Variants in AHCYL1 observed in about 807,000 individuals in gnomAD.
The protein encoded by AHCYL1 is adenosylhomocysteinase like 1, also known as S-adenosylhomocysteine hydrolase-like protein 1.
A neutral mutation model predicts 79.3 loss-of-function variants in AHCYL1; 20 were observed. The observed-to-expected ratio is 0.25, with a 90% CI of 0.18 to 0.37. The LOEUF is 0.37. Ranked by LOEUF, AHCYL1 falls within the 10% of genes least tolerant of loss-of-function variation. AHCYL1 has a pLI of 1.00. For synonymous variants in AHCYL1, 223 were observed against 242.2 expected (o/e 0.92, Z 0.74); for missense variants, 330 against 673.6 (o/e 0.49, Z 5.65).
chr1:110,013,086 TC>T, intron 5 of AHCYL1, 87 bp downstream of exon 5: 1 of 976,562 alleles, frequency 1.0e-6, no homozygotes, highest in Non-Finnish European at 1.5e-6. Context: ...CATTACAATA[TC>T]ATATATGTCT....
chr1:110,003,621 A>G (rs1557765763), intron 1 of AHCYL1, among the ~76,000 whole-genome samples: 1 of 152,030 alleles, frequency 6.6e-6, no homozygotes, highest in African/African-American at 2.4e-5. Flanking sequence ...TAAACCTAGA[A>G]TTGATGATAA....
intron 2 of AHCYL1, among the ~76,000 whole-genome samples, chr1:110,010,931 A>T (rs1650983838): frequency 6.6e-6 from 1 of 152,144 alleles, no homozygotes; most frequent in Non-Finnish European, 1.5e-5. Flanking sequence ...ATTATCTGGG[A>T]TTACTATAGC....
chr1:110,014,971 T>C, intron 6 of AHCYL1, 114 bp downstream of exon 6: 8 of 976,198 alleles, frequency 8.2e-6, no homozygotes, highest in Non-Finnish European at 1.3e-5. Context: ...CTGACTTTGT[T>C]GCTAAAGTGT....
At chr1:109,994,887 T>A (rs1434932504) in intron 1 of AHCYL1, among the ~76,000 whole-genome samples, 2 of 152,218 alleles carry the variant, frequency 1.3e-5, no homozygotes, top group Non-Finnish European at 2.9e-5. Flanking sequence ...TTGTAGCTGC[T>A]GTAGAATCTG....
chr1:110,018,730 T>G, intron 13 of AHCYL1, 80 bp downstream of exon 13: 2 of 1,251,648 alleles, frequency 1.6e-6, no homozygotes, highest in Non-Finnish European at 2.3e-6. Flanking sequence ...GGGAAACAAA[T>G]ATTAGGCCTA....
intron 1 of AHCYL1, among the ~76,000 whole-genome samples, chr1:110,007,739 C>T (rs1184158751): frequency 6.6e-6 from 1 of 152,176 alleles, no homozygotes; most frequent in Non-Finnish European, 1.5e-5. Context: ...CCAAGGGAAC[C>T]TTTTCAGATT....
chr1:109,985,125 G>A lies in AHCYL1; in HGVS notation c.73G>A (p.Ala25Thr). The change falls in exon 1 of 17, where the codon GCC becomes ACC. Residue 25 changes from alanine (A) to threonine (T), a missense_variant. By Grantham distance (58) the Ala-to-Thr change is moderately conservative. Coordinates refer to ENST00000369799, the MANE Select transcript of AHCYL1 (RefSeq NM_006621.7). ...GAAGCAGGCCAAGGAGATCGAGGACGCCGAGAAGTACTCCTTCATGGCCAC... is the reference window on the plus strand; with the variant it reads ...GAAGCAGGCCAAGGAGATCGAGGACACCGAGAAGTACTCCTTCATGGCCAC... ...ELKQAKEIED[A>T]EKYSFMATVT... is the part of the protein sequence containing the mutation. The A allele has an allele frequency of 1.9e-6, 3 of 1,611,624 alleles. No individual in the cohort carries two copies. Among genetic ancestry groups the A allele is most frequent in the South Asian group, 1.1e-5 (1 of 90,804 alleles).
chr1:110,003,780 C>T (rs1460664064), intron 1 of AHCYL1, among the ~76,000 whole-genome samples: 1 of 152,140 alleles, frequency 6.6e-6, no homozygotes, highest in East Asian at 1.9e-4. Flanking sequence ...GTGTTACATT[C>T]TGTTGCAAAT....
At chr1:110,006,001 C>T (rs1002225946) in intron 1 of AHCYL1, among the ~76,000 whole-genome samples, 1 of 151,992 alleles carries the variant, frequency 6.6e-6, no homozygotes, top group Non-Finnish European at 1.5e-5. Context: ...AACCATTGTA[C>T]CTGCTAAGCT....
intron 7 of AHCYL1, 94 bp downstream of exon 7, chr1:110,015,625 A>C: frequency 1.0e-6 from 1 of 963,378 alleles, no homozygotes. Context: ...CAGACTTATA[A>C]CTAAATGGGA....
At chr1:110,018,166 G>C in intron 11 of AHCYL1, 150 bp downstream of exon 11, 3 of 1,058,456 alleles carry the variant, frequency 2.8e-6, no homozygotes, top group Non-Finnish European at 4.1e-6. Context: ...GTTTTCCAGA[G>C]TAAAAAACTT....
At chr1:110,000,023 T>C (rs1157489723) in intron 1 of AHCYL1, among the ~76,000 whole-genome samples, 3 of 152,222 alleles carry the variant, frequency 2.0e-5, no homozygotes, top group Non-Finnish European at 4.4e-5. Context: ...AAAGAAATTA[T>C]CTGATTGTGC....
intron 1 of AHCYL1, among the ~76,000 whole-genome samples, chr1:109,992,424 A>T (rs1649815070): frequency 1.3e-5 from 2 of 151,756 alleles, no homozygotes; most frequent in Admixed American, 1.3e-4. Context: ...AAAAAAAAAA[A>T]AAAAAAGTTA....
At chr1:110,008,658 A>G (rs1456419802) in intron 1 of AHCYL1, among the ~76,000 whole-genome samples, 2 of 152,218 alleles carry the variant, frequency 1.3e-5, no homozygotes, top group African/African-American at 2.4e-5. Flanking sequence ...CAGTAGCACT[A>G]TGAGATTCTG....
At position 110,012,890 on chromosome 1, in the gene AHCYL1, T is replaced by G; in HGVS notation, c.478-7T>G. 6.2e-7 allele frequency: 1 copy of G among 1,607,820 alleles called. No individual in the cohort carries two copies. The stretch of plus-strand genomic sequence containing the variant: ...TCCTCACCCTGTCTTCCTACACTTC[T>G]ACACAGGTGTTGATTGAGACACTCT... On this transcript the variant is annotated splice_polypyrimidine_tract_variant and splice_region_variant and intron_variant, in intron 4 of 16. Coordinates refer to ENST00000369799, the MANE Select transcript of AHCYL1 (RefSeq NM_006621.7).
At chr1:109,986,808 T>G (rs1649492883) in intron 1 of AHCYL1, among the ~76,000 whole-genome samples, 1 of 152,238 alleles carries the variant, frequency 6.6e-6, no homozygotes, top group Non-Finnish European at 1.5e-5. Flanking sequence ...TGTGCCTAGC[T>G]TTGTACCCAG....
At position 109,984,923 on chromosome 1, in the gene AHCYL1, G is replaced by C. The variant is rs1479658012; in HGVS notation, c.-130G>C. The C allele has an allele frequency of 3.8e-6, 5 of 1,307,610 alleles. No individual in the cohort carries two copies. Among genetic ancestry groups the C allele is most frequent in the African/African-American group, 3.1e-5 (2 of 63,548 alleles). The allele number at this position is 1,307,610 out of a possible 1,614,324, so 81.0% of individuals were successfully genotyped here. ...CCACAGCACCTCAGAAGCCGACGCA[G>C]CTCGACGCAGGGGCCGGCAGGAGGG... On this transcript the variant is annotated 5_prime_UTR_variant, in exon 1 of 17. Coordinates refer to ENST00000369799, the MANE Select transcript of AHCYL1 (RefSeq NM_006621.7).
At chr1:110,019,239 A>G in intron 14 of AHCYL1, 120 bp downstream of exon 14, 1 of 1,078,572 alleles carries the variant, frequency 9.3e-7, no homozygotes, top group South Asian at 1.4e-5. Flanking sequence ...GATGTAATAA[A>G]TTGTGGAAAC....
intron 1 of AHCYL1, among the ~76,000 whole-genome samples, chr1:109,996,943 G>T (rs998833416): frequency 1.3e-5 from 2 of 152,204 alleles, no homozygotes; most frequent in Non-Finnish European, 2.9e-5. Context: ...GATAAAGCCA[G>T]GCCCTGAATT....
Sources: allele counts gnomAD v4.1 joint callset (sites outside exome capture counted in the v4.1 genomes callset), GRCh38; gene constraint gnomAD v4.1.1; transcripts MANE v1.5; gene names NCBI Gene and HGNC (gene_info 2026-07-23, HGNC 2026-07-21).